The following TMEM63A variants were observed in gnomAD, a reference collection of about 807,000 sequenced individuals.
TMEM63A encodes the protein mechanosensitive cation channel TMEM63A.
Under a neutral mutation model 100.6 loss-of-function variants are expected in TMEM63A, and 76 were observed. The ratio of observed to expected loss-of-function variants is 0.76; its 90% CI spans 0.63 to 0.91. The LOEUF (loss-of-function observed/expected upper bound fraction) is 0.91, where lower values mean the gene tolerates loss of function less well. Ranked by LOEUF, TMEM63A falls within the 40% of genes least tolerant of loss-of-function variation. TMEM63A has a pLI of 0.00. For synonymous variants in TMEM63A, 401 were observed against 401.1 expected (o/e 1.00, Z 0.00); for missense variants, 876 against 1,008.8 (o/e 0.87, Z 1.78).
At chr1:225,849,792 G>A in intron 21 of TMEM63A, 120 bp downstream of exon 21, 1 of 1,298,818 alleles carries the variant, frequency 7.7e-7, no homozygotes, top group Non-Finnish European at 1.1e-6. Flanking sequence ...CTCACTCTGG[G>A]CACCACATTC....
chr1:225,841,171 T>C (rs752069362), downstream of TMEM63A: 1 of 152,240 alleles, frequency 6.6e-6, no homozygotes, highest in Non-Finnish European at 1.5e-5. Flanking sequence ...ATGGTTTTGA[T>C]TGTGCCTGTT....
chr1:225,877,782 C>T, intron 2 of TMEM63A, 188 bp from the exon 3 acceptor site: 1 of 556,368 alleles, frequency 1.8e-6, no homozygotes, highest in East Asian at 3.0e-5. Flanking sequence ...CAGAGAATGG[C>T]TGCATTGTGG....
At chr1:225,868,111 C>T in intron 6 of TMEM63A, 81 bp from the exon 7 acceptor site, 1 of 1,547,952 alleles carries the variant, frequency 6.5e-7, no homozygotes, top group South Asian at 1.2e-5. Context: ...ATCATCCTCA[C>T]CACACTCTTA....
chr1:225,869,775 G>A (rs1670409660), intron 6 of TMEM63A, among the ~76,000 whole-genome samples: 1 of 148,336 alleles, frequency 6.7e-6, no homozygotes, highest in Non-Finnish European at 1.5e-5. Context: ...CGATTCTCCT[G>A]CCTCAGCCTC....
At chr1:225,859,490 A>C in intron 14 of TMEM63A, 141 bp from the exon 15 acceptor site, 2 of 1,012,592 alleles carry the variant, frequency 2.0e-6, no homozygotes, top group Non-Finnish European at 2.9e-6. Flanking sequence ...CTACAGAAAG[A>C]CCAAATCTTA....
intron 3 of TMEM63A, among the ~76,000 whole-genome samples, chr1:225,874,947 T>G (rs1388544776): frequency 1.3e-5 from 2 of 152,202 alleles, no homozygotes; most frequent in Admixed American, 6.5e-5. Flanking sequence ...TTGGTCAGGC[T>G]GGTCTCGAAC....
chr1:225,877,582 G>C lies in TMEM63A; in HGVS notation c.-2C>G, dbSNP rs549283601. On this transcript the variant is annotated 5_prime_UTR_variant, in exon 3 of 25. Coordinates refer to ENST00000366835, the MANE Select transcript of TMEM63A (RefSeq NM_014698.3). ...CTCCAGGAACGGGGAGTCCATCATC[G>C]CGCCTGTCTTCCCTGGAGCACAGGA... The C allele has an allele frequency of 6.2e-7, 1 of 1,612,006 alleles. No homozygotes were observed.
downstream of TMEM63A, chr1:225,844,570 G>A (rs1293071459): frequency 2.5e-6 from 4 of 1,614,016 alleles, no homozygotes; most frequent in African/African-American, 5.3e-5. Context: ...TCTCCTCCCA[G>A]CGCTTCTACA....
At chr1:225,874,531 T>C (rs558663521) in intron 3 of TMEM63A, among the ~76,000 whole-genome samples, 164 bp from the exon 4 acceptor site, 1 of 152,348 alleles carries the variant, frequency 6.6e-6, no homozygotes, top group Admixed American at 6.5e-5. Context: ...TGCAGCTCAG[T>C]AGCCCGGATG....
At chr1:225,849,097 G>C (rs1669185586) in intron 21 of TMEM63A, 85 bp from the exon 22 acceptor site, 4 of 1,089,638 alleles carry the variant, frequency 3.7e-6, no homozygotes, top group African/African-American at 3.1e-5. Flanking sequence ...GGCCGCACCT[G>C]GTGTGGAAAC....
rs115600896 is a variant in TMEM63A, at chr1:225,867,924, C to T, written c.478G>A (p.Val160Ile). ...LVVVSFLSLC[V>I]ILPVNLSGDL... Reference sequence around the variant, plus strand: ...CCTGAGAGGTTGACAGGCAGGATGACACACAGGGACAAAAAGCTGACCACC... The same window carrying T: ...CCTGAGAGGTTGACAGGCAGGATGATACACAGGGACAAAAAGCTGACCACC... Residue 160 changes from valine (V) to isoleucine (I), a missense_variant, in exon 7 of 25, where the codon GTC becomes ATC. Coordinates refer to ENST00000366835, the MANE Select transcript of TMEM63A (RefSeq NM_014698.3). This position sits in a 1 kb window ranked among gnomAD's most constrained non-coding sequence, Gnocchi z 4.6. 8,244 of 1,614,126 alleles carry T rather than the reference C, an allele frequency of 5.1e-3. 30 individuals carry two copies. Among genetic ancestry groups the T allele is most frequent in the Non-Finnish European group, 6.2e-3 (7,303 of 1,180,036 alleles).
chr1:225,873,682 G>A (rs891389920), intron 4 of TMEM63A, among the ~76,000 whole-genome samples: 1 of 152,180 alleles, frequency 6.6e-6, no homozygotes, highest in Non-Finnish European at 1.5e-5. Flanking sequence ...AAGCCTGGCC[G>A]AGGGAGCCTG....
intron 6 of TMEM63A, among the ~76,000 whole-genome samples, chr1:225,868,763 C>A (rs1425105441): frequency 2.0e-5 from 3 of 152,080 alleles, no homozygotes; most frequent in Non-Finnish European, 2.9e-5. Context: ...CTGTCTCCCC[C>A]TCAGATGGAG....
chr1:225,871,661 C>A, intron 5 of TMEM63A: 1 of 348,326 alleles, frequency 2.9e-6, no homozygotes, highest in Non-Finnish European at 5.2e-6. Flanking sequence ...GAGGGCAGGG[C>A]TCCTGCCCAC....
intron 20 of TMEM63A, among the ~76,000 whole-genome samples, chr1:225,850,305 C>T (rs892426236): frequency 2.0e-5 from 3 of 152,020 alleles, no homozygotes; most frequent in Non-Finnish European, 4.4e-5. Flanking sequence ...TGTAGGGGAT[C>T]GGTCAGGGTG....
Position 225,862,841 on chromosome 1 carries a change from G to C in TMEM63A, c.757C>G (p.Pro253Ala), listed in dbSNP as rs768868822. Residue 253 changes from proline (P) to alanine (A), a missense_variant, in exon 11 of 25, where the codon CCC (proline) becomes GCC (alanine). By Grantham distance (27) the Pro-to-Ala change is conservative. Coordinates refer to ENST00000366835, the MANE Select transcript of TMEM63A (RefSeq NM_014698.3). This position sits in a 1 kb window ranked among gnomAD's most constrained non-coding sequence, Gnocchi z 5.1. ...TVESHFRDAY[P>A]TCEVVDVQLC... ...TGCACATCAACCACCTCACACGTGG[G>C]ATACGCGTCCCTGTGGCCAGGGAGA... 5 of 1,613,680 alleles carry C rather than the reference G, an allele frequency of 3.1e-6. No homozygotes were observed. The South Asian group carries it at 3.3e-5, about 11-fold the overall frequency.
At chr1:225,850,449 C>T (rs1323888471) in intron 20 of TMEM63A, among the ~76,000 whole-genome samples, 1 of 152,164 alleles carries the variant, frequency 6.6e-6, no homozygotes, top group Non-Finnish European at 1.5e-5. Context: ...GGTGCAGATA[C>T]ATAGGAATGT....
chr1:225,875,675 G>C (rs1670755948), intron 3 of TMEM63A, among the ~76,000 whole-genome samples: 2 of 152,240 alleles, frequency 1.3e-5, no homozygotes, highest in Non-Finnish European at 2.9e-5. Context: ...GCCCTGGCCT[G>C]TGCAGTGCAG....
chr1:225,856,659 G>A lies in TMEM63A; in HGVS notation c.1564C>T (p.Leu522Phe). Residue 522 changes from leucine (L) to phenylalanine (F), a missense_variant, in exon 17 of 25, where the codon CTC becomes TTC. Coordinates refer to ENST00000366835, the MANE Select transcript of TMEM63A (RefSeq NM_014698.3). ...FMVLILPSLG[L>F]TSLDFFFRWL... ...GAAGGTGGTGGCATATACCTGGTGA[G>A]ACCCAGGGAGGGCAGGATCAGCACC... is the stretch of plus-strand genomic sequence containing the variant. 6.2e-7 allele frequency: 1 copy of A among 1,613,764 alleles called. No individual in the cohort carries two copies. The highest frequency in any genetic ancestry group is 8.5e-7 in the Non-Finnish European group (1 of 1,179,870).
Sources: allele counts gnomAD v4.1 joint callset (sites outside exome capture counted in the v4.1 genomes callset), GRCh38; gene constraint gnomAD v4.1.1; non-coding constraint Gnocchi (gnomAD v3.1); transcripts MANE v1.5; gene names NCBI Gene and HGNC (gene_info 2026-07-23, HGNC 2026-07-21).